GPX4: variants seen among roughly 807,000 people sequenced by gnomAD.
GPX4 encodes glutathione peroxidase 4, also known as phospholipid hydroperoxide glutathione peroxidase GPX4.
In GPX4, 28 loss-of-function variants were observed where a neutral mutation model predicts 27.8. The observed-to-expected ratio is 1.01, with a 90% CI of 0.75 to 1.38. The LOEUF is 1.38. Among genes scored for constraint, GPX4 ranks in the 40% most tolerant of loss-of-function variants. The probability of loss-of-function intolerance (pLI) is 0.00; values close to 1 mark genes in which losing one functional copy is unlikely to be tolerated. For missense variants in GPX4, 357 were observed against 274.1 expected (o/e 1.30, Z -2.14); for synonymous variants, 163 against 107.8 (o/e 1.51, Z -3.17).
chr19:1,104,398 G>C (rs1187576928), intron 1 of GPX4: 2 of 427,504 alleles, frequency 4.7e-6, no homozygotes, highest in Middle Eastern at 6.1e-4. Context: ...GGTCGGGGAA[G>C]GGGCCGTCCA....
intron 4 of GPX4, 98 bp from the exon 5 acceptor site, chr19:1,106,144 C>A (rs751845338): frequency 4.2e-6 from 5 of 1,182,624 alleles, no homozygotes; most frequent in Non-Finnish European, 5.9e-6. Context: ...TGGAGGCAGC[C>A]GGGGAAGCTC....
At position 1,105,605 on chromosome 19, in the gene GPX4, C is replaced by T. The variant is rs1415238211; in HGVS notation, c.325-53C>T. 6 of 1,599,274 alleles carry T rather than the reference C, an allele frequency of 3.8e-6. No homozygotes were observed. In the African/African-American group the frequency reaches 5.4e-5, roughly 14 times the overall value. ...AGGGCCTGGGAGTGTGCAGGGGGCCCGGACTGAGGGGGTGCCAGCCCCCGA... is the reference window on the plus strand; with the variant it reads ...AGGGCCTGGGAGTGTGCAGGGGGCCTGGACTGAGGGGGTGCCAGCCCCCGA... On this transcript the variant is annotated intron_variant, in intron 3 of 6. Transcript: ENST00000354171.
intron 1 of GPX4, 71 bp from the exon 2 acceptor site, chr19:1,105,115 C>A: frequency 6.4e-7 from 1 of 1,570,002 alleles, no homozygotes; most frequent in Non-Finnish European, 8.7e-7. Flanking sequence ...CGCTCCCGAT[C>A]CCTTCCTGCC....
chr19:1,105,562 G>A (rs1200595583), intron 3 of GPX4, 52 bp downstream of exon 3: 2 of 1,602,562 alleles, frequency 1.2e-6, no homozygotes, highest in Non-Finnish European at 8.5e-7. Context: ...GGGGGTCGGG[G>A]TGGGCTCCAG....
In GPX4 at chr19:1,106,772, C is replaced by A. The variant is rs1170608834; in HGVS notation, c.*200C>A. On this transcript the variant is annotated 3_prime_UTR_variant, in exon 7 of 7. Transcript: ENST00000354171. The stretch of plus-strand genomic sequence containing the variant: ...TGGCTACCTTGTGGGAATAAACAGA[C>A]AAATTAGCCTGCTGGATCTTTCTGC... The A allele has an allele frequency of 4.7e-6, 3 of 644,864 alleles. No individual in the cohort carries two copies. The East Asian group carries it at 8.4e-5, about 18-fold the overall frequency. 39.9% of individuals were successfully genotyped at this position (644,864 alleles called of 1,614,324 possible).
In GPX4 at chr19:1,104,007, A is replaced by G. The variant is rs536391413; in HGVS notation, c.-37A>G. 3 of 1,508,244 alleles carry G rather than the reference A, an allele frequency of 2.0e-6. No individual in the cohort carries two copies. The highest frequency in any genetic ancestry group is 2.6e-5 in the East Asian group (1 of 38,148). The allele number at this position is 1,508,244 out of a possible 1,614,324, so 93.4% of individuals were successfully genotyped here. The stretch of plus-strand genomic sequence containing the variant: ...CGACGCGCGTCCATTGGTCGGCTGG[A>G]CGAGGGGAGGAGCCGCTGGCTCCCA... On this transcript the variant is annotated 5_prime_UTR_variant, in exon 1 of 7. Transcript: ENST00000354171.
chr19:1,106,769 A>G lies in GPX4; in HGVS notation c.*197A>G, dbSNP rs767854085. 37 of 651,972 alleles carry G rather than the reference A, an allele frequency of 5.7e-5. No individual in the cohort carries two copies. 40.4% of individuals were successfully genotyped at this position (651,972 alleles called of 1,614,324 possible). On this transcript the variant is annotated 3_prime_UTR_variant, in exon 7 of 7. Coordinates refer to ENST00000354171, the MANE Select transcript of GPX4 (RefSeq NM_002085.5). The stretch of plus-strand genomic sequence containing the variant: ...CCCTGGCTACCTTGTGGGAATAAAC[A>G]GACAAATTAGCCTGCTGGATCTTTC...
chr19:1,104,442 CG>C, intron 1 of GPX4: 1 of 292,112 alleles, frequency 3.4e-6, no homozygotes, highest in East Asian at 7.0e-5. Flanking sequence ...GGGCCGGGGT[CG>C]GGGGTCCAGG....
chr19:1,104,105 C>CGCCTG lies in GPX4; in HGVS notation c.71_75dup (p.Gly26TrpfsTer55). 6.6e-7 allele frequency: 1 copy of CGCCTG among 1,505,690 alleles called. No homozygotes were observed. The highest frequency in any genetic ancestry group is 8.8e-7 in the Non-Finnish European group (1 of 1,134,250). 93.3% of individuals were successfully genotyped at this position (1,505,690 alleles called of 1,614,324 possible). On this transcript the variant is annotated frameshift_variant, in exon 1 of 7. Transcript: ENST00000354171. LOFTEE classifies it high-confidence loss of function. ...GCGCTGCTCTGTGGGGCTCTGGCCG[C>CGCCTG]GCCTGGCCTGGCCGGGACCATGGTG...
chr19:1,105,144 CCTCCCGTCCACGCTCCCTG>C, intron 1 of GPX4, 23 bp from the exon 2 acceptor site: 1 of 1,604,542 alleles, frequency 6.2e-7, no homozygotes, highest in African/African-American at 1.3e-5. Flanking sequence ...CCGGGCTCAG[CCTCCCGTCCACGCTCCCTG>C]CTCAGCTTCC....
Position 1,106,233 on chromosome 19 carries a change from CT to C in GPX4, c.477-5del, listed in dbSNP as rs761611683. 1.2e-6 allele frequency: 2 copies of C among 1,603,656 alleles called. No homozygotes were observed. Among genetic ancestry groups the C allele is most frequent in the African/African-American group, 1.3e-5 (1 of 74,268 alleles). On this transcript the variant is annotated splice_polypyrimidine_tract_variant and splice_region_variant and intron_variant, in intron 4 of 6. Coordinates refer to ENST00000354171, the MANE Select transcript of GPX4 (RefSeq NM_002085.5). The stretch of plus-strand genomic sequence containing the variant: ...TGGGGACGCTCACGTCCATGTGCTT[CT>C]TTTCCAGTGCCATCAAGTGGAACTT...
rs773985714 is a variant in GPX4, at chr19:1,105,744, G to T, written c.411G>T (p.Gly137=). Residue 137 remains glycine, a synonymous_variant, in exon 4 of 7, where the codon GGG becomes GGT. Coordinates refer to ENST00000354171, the MANE Select transcript of GPX4 (RefSeq NM_002085.5). ...FDMFSKICVN[G]DDAHPLWKWM... is the part of the protein sequence containing the mutation. ...TGTTCAGCAAGATCTGCGTGAACGGGGACGACGCCCACCCGCTGTGGAAGT... is the reference window on the plus strand; with the variant it reads ...TGTTCAGCAAGATCTGCGTGAACGGTGACGACGCCCACCCGCTGTGGAAGT... 1.2e-6 allele frequency: 2 copies of T among 1,601,160 alleles called. No homozygotes were observed. The highest frequency in any genetic ancestry group is 1.1e-5 in the South Asian group (1 of 89,130).
At chr19:1,106,331 G>T in intron 5 of GPX4, 65 bp downstream of exon 5, 3 of 1,608,732 alleles carry the variant, frequency 1.9e-6, no homozygotes, top group Non-Finnish European at 2.6e-6. Context: ...CAGATGGGCA[G>T]CGGACAGGAA....
rs773984936 is a variant in GPX4 at position 1,106,581 on chromosome 19, G to A, written c.*9G>A. 1.2e-5 allele frequency: 19 copies of A among 1,613,318 alleles called. 1 individual carries two copies. The South Asian group carries it at 1.9e-4, about 16-fold the overall frequency. On this transcript the variant is annotated 3_prime_UTR_variant, in exon 7 of 7. Coordinates refer to ENST00000354171, the MANE Select transcript of GPX4 (RefSeq NM_002085.5). ...TGCCCCACTATTTCTAGCTCCACAA[G>A]TGTGTGGCCCCGCCCGAGCCCCTGC...
chr19:1,105,415 G>C lies in GPX4; in HGVS notation c.229G>C (p.Glu77Gln), dbSNP rs766916114. The C allele has an allele frequency of 6.2e-7, 1 of 1,611,938 alleles. No homozygotes were observed. The highest frequency in any genetic ancestry group is 8.5e-7 in the Non-Finnish European group (1 of 1,179,238). ...TNVASQUGKT[E>Q]VNYTQLVDLH... ...CGTGGCCTCCCAGTGAGGCAAGACC[G>C]AAGTAAACTACACTCAGCTCGTCGA... The change falls in exon 3 of 7, where the codon GAA (glutamate) becomes CAA (glutamine). Residue 77 changes from glutamate to glutamine, a missense_variant. By Grantham distance (29) the Glu-to-Gln change is conservative. Coordinates refer to ENST00000354171, the MANE Select transcript of GPX4 (RefSeq NM_002085.5).
At chr19:1,104,712 G>A in intron 1 of GPX4, 2 of 985,112 alleles carry the variant, frequency 2.0e-6, no homozygotes, top group Non-Finnish European at 2.4e-6. Context: ...GGGGGAGCCA[G>A]GAGGGGCGGG....
chr19:1,104,523 C>G, intron 1 of GPX4: 1 of 598,130 alleles, frequency 1.7e-6, no homozygotes, highest in Non-Finnish European at 2.1e-6. Flanking sequence ...GGGGCGTCTC[C>G]GGGCCGAGCG....
chr19:1,106,596 C>G lies in GPX4; in HGVS notation c.*24C>G, dbSNP rs202172712. The G allele has an allele frequency of 9.2e-5, 149 of 1,612,808 alleles. No individual in the cohort carries two copies. The highest frequency in any genetic ancestry group is 1.2e-4 in the Non-Finnish European group (138 of 1,179,688). On this transcript the variant is annotated 3_prime_UTR_variant, in exon 7 of 7. Transcript: ENST00000354171. ...AGCTCCACAAGTGTGTGGCCCCGCC[C>G]GAGCCCCTGCCCACGCCCTTGGAGC...
In GPX4 at chr19:1,105,648, G is replaced by A. The variant is rs1362896514; in HGVS notation, c.325-10G>A. 1.9e-6 allele frequency: 3 copies of A among 1,611,932 alleles called. No individual in the cohort carries two copies. Among genetic ancestry groups the A allele is most frequent in the African/African-American group, 2.7e-5 (2 of 75,058 alleles). On this transcript the variant is annotated splice_polypyrimidine_tract_variant and intron_variant, in intron 3 of 6. Coordinates refer to ENST00000354171, the MANE Select transcript of GPX4 (RefSeq NM_002085.5). ...GCCCCCGACTCACTCACACACCTTGGCCGCCACAGGAGCCAGGGAGTAACG... is the reference window on the plus strand; with the variant it reads ...GCCCCCGACTCACTCACACACCTTGACCGCCACAGGAGCCAGGGAGTAACG...
Sources: allele counts gnomAD v4.1 joint callset, GRCh38; gene constraint gnomAD v4.1.1; transcripts MANE v1.5; gene names NCBI Gene and HGNC (gene_info 2026-07-23, HGNC 2026-07-21).